Variants in PRKG1 observed in about 807,000 individuals in gnomAD.
PRKG1 encodes cGMP-dependent protein kinase 1.
A neutral mutation model predicts 88.1 loss-of-function variants in PRKG1; 35 were observed. That is an observed-to-expected ratio of 0.40 (90% CI 0.30 to 0.53). The LOEUF is 0.53. Ranked by LOEUF, PRKG1 falls within the 20% of genes least tolerant of loss-of-function variation. PRKG1 has a pLI of 0.59. For missense variants in PRKG1, 540 were observed against 839.8 expected (o/e 0.64, Z 4.41); for synonymous variants, 303 against 292.5 (o/e 1.04, Z -0.37).
intron 2 of PRKG1, among the ~76,000 whole-genome samples, chr10:51,196,147 G>C (rs892448879): frequency 3.3e-5 from 5 of 152,166 alleles, no homozygotes; most frequent in Non-Finnish European, 7.4e-5. Flanking sequence ...TTGGTCTTTA[G>C]TAGGACAAGG....
At chr10:52,124,957 A>G (rs1847898481) in intron 7 of PRKG1, among the ~76,000 whole-genome samples, 1 of 152,134 alleles carries the variant, frequency 6.6e-6, no homozygotes, top group South Asian at 2.1e-4. Flanking sequence ...TGGAGCTGTT[A>G]TCTTCTATAA....
intron 9 of PRKG1, among the ~76,000 whole-genome samples, chr10:52,167,704 T>C (rs565951707): frequency 1.8e-4 from 28 of 152,048 alleles, no homozygotes; most frequent in African/African-American, 6.7e-4. Flanking sequence ...AACTACTTTG[T>C]GTCGTGACAT....
intron 10 of PRKG1, among the ~76,000 whole-genome samples, chr10:52,264,808 A>C (rs553516439): frequency 6.6e-6 from 1 of 152,062 alleles, no homozygotes; most frequent in Non-Finnish European, 1.5e-5. Flanking sequence ...AACACAGAGA[A>C]TATAACAGAA....
intron 2 of PRKG1, among the ~76,000 whole-genome samples, chr10:51,162,087 A>G (rs566617822): frequency 5.9e-5 from 9 of 152,288 alleles, no homozygotes; most frequent in African/African-American, 2.2e-4. Context: ...GTGGAGCTGG[A>G]TAGACTAATG....
At chr10:51,699,554 C>G (rs780056509) in intron 3 of PRKG1, 12 of 1,605,204 alleles carry the variant, frequency 7.5e-6, no homozygotes, top group Non-Finnish European at 9.4e-6. Context: ...CGACATGATT[C>G]CGGTTGTGCA....
intron 2 of PRKG1, among the ~76,000 whole-genome samples, chr10:51,315,738 G>A (rs1311478657): frequency 1.3e-5 from 2 of 152,174 alleles, no homozygotes; most frequent in African/African-American, 4.8e-5. Context: ...ATAAATATGT[G>A]ATATTAGAAA....
chr10:52,266,717 T>C (rs1166637131), intron 10 of PRKG1, among the ~76,000 whole-genome samples: 2 of 151,772 alleles, frequency 1.3e-5, no homozygotes, highest in Non-Finnish European at 1.5e-5. Flanking sequence ...GATATCCCCA[T>C]ATGATAGATG....
intron 3 of PRKG1, among the ~76,000 whole-genome samples, chr10:51,630,455 C>T (rs1439115510): frequency 2.0e-5 from 3 of 152,172 alleles, no homozygotes; most frequent in Non-Finnish European, 4.4e-5. Flanking sequence ...GGCAGCTGCT[C>T]TGTTCATAAA....
chr10:51,298,984 C>A (rs987214762), intron 2 of PRKG1, among the ~76,000 whole-genome samples: 5 of 152,050 alleles, frequency 3.3e-5, no homozygotes, highest in Admixed American at 2.6e-4. Context: ...TGCAATGGAG[C>A]ACAAAGGTTT....
intron 3 of PRKG1, among the ~76,000 whole-genome samples, chr10:51,798,241 C>G (rs1839070029): frequency 5.9e-5 from 9 of 151,980 alleles, no homozygotes; most frequent in Admixed American, 5.9e-4. Context: ...TCCACAGTGG[C>G]TGCACCATCT....
intron 2 of PRKG1, among the ~76,000 whole-genome samples, chr10:51,348,690 C>T (rs535864906): frequency 6.6e-6 from 1 of 152,306 alleles, no homozygotes; most frequent in East Asian, 1.9e-4. Flanking sequence ...AGTGAGAACT[C>T]GACCTTGGTC....
chr10:51,737,936 T>G lies in PRKG1; in HGVS notation c.593-66649T>G, dbSNP rs183144664. Among the ~76,000 whole-genome samples the G allele has an allele frequency of 3.3e-3, 497 of 151,538 alleles. 1 individual carries two copies. The highest frequency in any genetic ancestry group is 4.4e-3 in the Non-Finnish European group (298 of 67,872). On this transcript the variant is annotated intron_variant, in intron 3 of 17. Coordinates refer to ENST00000373980, the MANE Select transcript of PRKG1 (RefSeq NM_006258.4). ...ATGCCACCACGCCTGGCTAATTTTT[T>G]TTTGTTTGTTTGTTTTTTGTTTTAG...
chr10:51,890,552 G>T (rs1033628161), intron 4 of PRKG1, among the ~76,000 whole-genome samples: 1 of 152,212 alleles, frequency 6.6e-6, no homozygotes, highest in South Asian at 2.1e-4. Context: ...GATAGTTAAA[G>T]AGATATAAAT....
intron 3 of PRKG1, among the ~76,000 whole-genome samples, chr10:51,622,650 A>G (rs897039146): frequency 6.6e-6 from 1 of 152,240 alleles, no homozygotes; most frequent in Non-Finnish European, 1.5e-5. Flanking sequence ...GGTAAGTGCC[A>G]GAGCTCAAGT....
chr10:51,784,200 G>C (rs932050327), intron 3 of PRKG1, among the ~76,000 whole-genome samples: 4 of 152,004 alleles, frequency 2.6e-5, no homozygotes, highest in Non-Finnish European at 5.9e-5. Flanking sequence ...GAGTCTCTTA[G>C]TTGTGTTCTA....
chr10:51,808,019 G>T (rs541069367), intron 4 of PRKG1, among the ~76,000 whole-genome samples: 25 of 152,098 alleles, frequency 1.6e-4, no homozygotes, highest in Non-Finnish European at 3.1e-4. Context: ...ACATCCCCAG[G>T]TTAGCTATAC....
intron 7 of PRKG1, among the ~76,000 whole-genome samples, chr10:52,116,889 A>G (rs1847699502): frequency 6.6e-6 from 1 of 151,934 alleles, no homozygotes; most frequent in African/African-American, 2.4e-5. Context: ...ATCTGACCCT[A>G]GGTCACACAG....
Position 52,282,281 on chromosome 10 carries a change from A to C in PRKG1, c.1674A>C (p.Ser558=), listed in dbSNP as rs1564544689. The C allele has an allele frequency of 2.5e-6, 4 of 1,609,042 alleles. No homozygotes were observed. Among genetic ancestry groups the C allele is most frequent in the Non-Finnish European group, 3.4e-6 (4 of 1,176,826 alleles). Reference sequence around the variant, plus strand: ...ATGACATTTCAGCCGACTACTGGTCACTGGGAATCCTAATGTATGAACTCC... The same window carrying C: ...ATGACATTTCAGCCGACTACTGGTCCCTGGGAATCCTAATGTATGAACTCC... ...KGHDISADYW[S]LGILMYELLT... is the part of the protein sequence containing the mutation. The change falls in exon 14 of 18, where the codon TCA becomes TCC. Residue 558 remains serine (S), a synonymous_variant. Transcript: ENST00000373980.
At chr10:51,316,736 T>C (rs1018790464) in intron 2 of PRKG1, among the ~76,000 whole-genome samples, 1 of 149,954 alleles carries the variant, frequency 6.7e-6, no homozygotes, top group Non-Finnish European at 1.5e-5. Context: ...ATTGCGATAA[T>C]GGTATTATTA....
Sources: allele counts gnomAD v4.1 joint callset (sites outside exome capture counted in the v4.1 genomes callset), GRCh38; gene constraint gnomAD v4.1.1; transcripts MANE v1.5; gene names NCBI Gene and HGNC (gene_info 2026-07-23, HGNC 2026-07-21).